PAX5: variants seen among roughly 807,000 people sequenced by gnomAD.
PAX5 encodes paired box 5.
PAX5 carries 9 observed loss-of-function variants against 43.7 expected under a neutral mutation model. That is an observed-to-expected ratio of 0.21 (90% confidence interval 0.12 to 0.36). The LOEUF is 0.36. Among genes scored for constraint, PAX5 ranks in the 10% least tolerant of loss-of-function variants. The pLI, the probability that PAX5 is intolerant of heterozygous loss-of-function variation, is 1.00. For missense variants in PAX5, 383 were observed against 532.7 expected (o/e 0.72, Z 2.77); for synonymous variants, 228 against 214.3 (o/e 1.06, Z -0.56).
chr9:36,981,817 G>C (rs993244597), intron 5 of PAX5, among the ~76,000 whole-genome samples: 4 of 152,244 alleles, frequency 2.6e-5, no homozygotes, highest in African/African-American at 9.6e-5. Flanking sequence ...TCTGTGCAAT[G>C]GGGTCAATAA....
intron 6 of PAX5, among the ~76,000 whole-genome samples, chr9:36,960,461 T>C (rs1490674953): frequency 1.3e-5 from 2 of 151,900 alleles, no homozygotes; most frequent in African/African-American, 2.4e-5. Flanking sequence ...CAGAGGGACA[T>C]GGGGACGGTG....
At chr9:36,867,551 TCTTAGC>T (rs937335003) in intron 8 of PAX5, among the ~76,000 whole-genome samples, 1 of 151,372 alleles carries the variant, frequency 6.6e-6, no homozygotes, top group African/African-American at 2.4e-5. Context: ...GGGTTCGTCT[TCTTAGC>T]AGCATTGTGA....
intron 1 of PAX5, among the ~76,000 whole-genome samples, chr9:37,024,595 A>G (rs776006172): frequency 6.6e-6 from 1 of 152,186 alleles, no homozygotes; most frequent in Admixed American, 6.5e-5. Context: ...CTTCCAGAGA[A>G]GCCAAGGTCT....
intron 8 of PAX5, among the ~76,000 whole-genome samples, chr9:36,852,251 T>C (rs1472937544): frequency 6.6e-6 from 1 of 152,080 alleles, no homozygotes; most frequent in Non-Finnish European, 1.5e-5. Flanking sequence ...CACCCTTTGA[T>C]CCTGGGCAGG....
chr9:36,911,576 T>C (rs3758163), intron 7 of PAX5, among the ~76,000 whole-genome samples: 93,879 of 152,196 alleles, frequency 0.62, 29,097 homozygotes, highest in East Asian at 0.78. Context: ...TGTAATTTTT[T>C]ACAGCGCCTT....
intron 1 of PAX5, among the ~76,000 whole-genome samples, chr9:37,027,668 G>T (rs1840550714): frequency 6.6e-6 from 1 of 152,180 alleles, no homozygotes; most frequent in South Asian, 2.1e-4. Flanking sequence ...CCACCGCGCC[G>T]CCCCGGAGCC....
At chr9:36,851,096 C>T (rs1216960259) in intron 8 of PAX5, among the ~76,000 whole-genome samples, 1 of 152,234 alleles carries the variant, frequency 6.6e-6, no homozygotes, top group African/African-American at 2.4e-5. Context: ...ACCTTCCAGG[C>T]AGAGCCTCCT....
chr9:37,029,463 G>A (rs544792625), intron 1 of PAX5, among the ~76,000 whole-genome samples: 8 of 152,364 alleles, frequency 5.3e-5, no homozygotes, highest in African/African-American at 1.7e-4. Context: ...AGTGCGCGCC[G>A]GGGTGGAGTG....
intron 6 of PAX5, among the ~76,000 whole-genome samples, chr9:36,927,371 G>C (rs1830726842): frequency 6.6e-6 from 1 of 152,184 alleles, no homozygotes; most frequent in African/African-American, 2.4e-5. Context: ...ACCACAAAAA[G>C]GGTGGTCAAC....
chr9:36,888,980 A>T (rs563622012), intron 7 of PAX5, among the ~76,000 whole-genome samples: 2 of 152,308 alleles, frequency 1.3e-5, no homozygotes, highest in East Asian at 3.9e-4. Context: ...TAATACAACG[A>T]TCTGAGCATG....
intron 4 of PAX5, 70 bp from the exon 5 acceptor site, chr9:37,002,846 T>G: frequency 2.0e-6 from 3 of 1,527,476 alleles, no homozygotes; most frequent in Admixed American, 2.0e-5. Flanking sequence ...TCACCGCACG[T>G]GAGGCTGGGG....
intron 6 of PAX5, among the ~76,000 whole-genome samples, chr9:36,941,834 C>T (rs1328457770): frequency 6.6e-6 from 1 of 152,124 alleles, no homozygotes; most frequent in Non-Finnish European, 1.5e-5. Context: ...ACCTGGCCTC[C>T]AGGACATGAG....
At chr9:37,023,236 G>T (rs1840011280) in intron 1 of PAX5, among the ~76,000 whole-genome samples, 1 of 152,136 alleles carries the variant, frequency 6.6e-6, no homozygotes, top group Admixed American at 6.5e-5. Context: ...GACGAAGGTG[G>T]CACACAACGG....
At chr9:37,010,430 G>A (rs1288036232) in intron 3 of PAX5, among the ~76,000 whole-genome samples, 1 of 152,166 alleles carries the variant, frequency 6.6e-6, no homozygotes, top group Non-Finnish European at 1.5e-5. Flanking sequence ...TTTACTTTAA[G>A]CCACATTCAA....
chr9:37,013,512 A>C (rs1839141457), intron 3 of PAX5, among the ~76,000 whole-genome samples: 1 of 152,146 alleles, frequency 6.6e-6, no homozygotes, highest in Admixed American at 6.5e-5. Context: ...GCTGCCTGTC[A>C]TGTTGTTTTG....
At chr9:36,859,427 G>A (rs942287004) in intron 8 of PAX5, among the ~76,000 whole-genome samples, 10 of 151,848 alleles carry the variant, frequency 6.6e-5, no homozygotes, top group Admixed American at 1.3e-4. Context: ...CGGCTCTCCT[G>A]GTCACTCCTC....
At chr9:36,843,888 T>C (rs1822316329) in intron 9 of PAX5, among the ~76,000 whole-genome samples, 1 of 152,162 alleles carries the variant, frequency 6.6e-6, no homozygotes, top group Non-Finnish European at 1.5e-5. Context: ...CCGGGAAAAG[T>C]TACAGTGGAG....
chr9:37,031,037 A>G (rs1463991194), intron 1 of PAX5, among the ~76,000 whole-genome samples: 3 of 152,262 alleles, frequency 2.0e-5, no homozygotes, highest in African/African-American at 7.2e-5. Context: ...CTGAAATTAT[A>G]CAGCAAGTGG....
At chr9:36,957,139 G>A (rs1275533995) in intron 6 of PAX5, among the ~76,000 whole-genome samples, 1 of 152,202 alleles carries the variant, frequency 6.6e-6, no homozygotes, top group Non-Finnish European at 1.5e-5. Flanking sequence ...TGTGCCTTGC[G>A]GCTCAGAAGC....
Sources: allele counts gnomAD v4.1 joint callset (sites outside exome capture counted in the v4.1 genomes callset), GRCh38; gene constraint gnomAD v4.1.1; transcripts MANE v1.5; gene names NCBI Gene and HGNC (gene_info 2026-07-23, HGNC 2026-07-21).